Variants in RCOR1 observed in about 807,000 individuals in gnomAD.
RCOR1 encodes the protein REST corepressor 1.
A neutral mutation model predicts 64.0 loss-of-function variants in RCOR1; 12 were observed. The observed-to-expected ratio is 0.19, with a 90% CI of 0.12 to 0.30. The LOEUF (loss-of-function observed/expected upper bound fraction) is 0.30. Ranked by LOEUF, RCOR1 falls within the 10% of genes least tolerant of loss-of-function variation. RCOR1 has a pLI of 1.00. For synonymous variants in RCOR1, 279 were observed against 227.2 expected, an observed-to-expected ratio of 1.23 and a Z score of -2.05; for missense variants, 502 against 621.2, an observed-to-expected ratio of 0.81 and a Z score of 2.04.
At chr14:102,705,539 G>T (rs914098149) in intron 4 of RCOR1, among the ~76,000 whole-genome samples, 1 of 152,098 alleles carries the variant, frequency 6.6e-6, no homozygotes, top group Admixed American at 6.5e-5. Context: ...CAAACCCCTG[G>T]GCTCAGTCAA....
chr14:102,605,098 A>G (rs186378244), intron 2 of RCOR1, among the ~76,000 whole-genome samples: 29 of 151,926 alleles, frequency 1.9e-4, no homozygotes, highest in African/African-American at 6.7e-4. Context: ...AAGGAAAAGA[A>G]AAAACACTTA....
chr14:102,692,181 G>T (rs1312323432), intron 3 of RCOR1, among the ~76,000 whole-genome samples: 1 of 152,204 alleles, frequency 6.6e-6, no homozygotes, highest in East Asian at 1.9e-4. Context: ...TTAAAAAGAG[G>T]TGTATATTGA....
chr14:102,718,981 G>A (rs1311026785), intron 8 of RCOR1, among the ~76,000 whole-genome samples: 2 of 152,086 alleles, frequency 1.3e-5, no homozygotes, highest in African/African-American at 4.8e-5. Context: ...GGTAGAGACA[G>A]GGTCTTGCTG....
intron 4 of RCOR1, among the ~76,000 whole-genome samples, chr14:102,704,258 T>G (rs1895806010): frequency 6.6e-6 from 1 of 152,196 alleles, no homozygotes; most frequent in Admixed American, 6.5e-5. Context: ...CTCATTCCAG[T>G]GGAAGATGAC....
intron 2 of RCOR1, chr14:102,656,987 A>G (rs928371817): frequency 3.4e-5 from 17 of 502,326 alleles, no homozygotes; most frequent in African/African-American, 3.0e-4. Context: ...GTTGGCCAGG[A>G]TGGTCGCGAA....
chr14:102,715,043 ACTC>A (rs1414149082), intron 8 of RCOR1, among the ~76,000 whole-genome samples: 1 of 145,110 alleles, frequency 6.9e-6, no homozygotes, highest in South Asian at 2.2e-4. Flanking sequence ...TTATTACCTG[ACTC>A]CTCCTTGTAG....
intron 4 of RCOR1, 139 bp from the exon 5 acceptor site, chr14:102,707,212 G>T: frequency 1.7e-6 from 1 of 602,862 alleles, no homozygotes; most frequent in Non-Finnish European, 2.8e-6. Flanking sequence ...AGGGGCCTCT[G>T]ACAGTGTCTG....
rs1595251009 is a variant in RCOR1, at chr14:102,730,189, C to T, written c.*3683C>T. The stretch of plus-strand genomic sequence containing the variant: ...ATAGTATTCCATTAGGTAGACTTAT[C>T]GACTTTGCTAAGTGCTTTTTAGACA... On this transcript the variant is annotated 3_prime_UTR_variant, in exon 12 of 12. Coordinates refer to ENST00000262241, the MANE Select transcript of RCOR1 (RefSeq NM_015156.4). The T allele has an allele frequency of 1.5e-5, 6 of 396,470 alleles. No individual in the cohort carries two copies. The highest frequency in any genetic ancestry group is 1.4e-4 in the South Asian group (1 of 7,004). 24.6% of individuals were successfully genotyped at this position (396,470 alleles called of 1,614,324 possible). A position where few individuals can be genotyped will look rare whatever the true frequency, so the allele number is the denominator to read the frequency against.
At position 102,615,768 on chromosome 14, in the gene RCOR1, A is replaced by G. The variant is rs369584176; in HGVS notation, c.361+22443A>G. On this transcript the variant is annotated intron_variant, in intron 2 of 11. Transcript: ENST00000262241. ...CTGGCCATTAATTCTTTTTTAAGAA[A>G]GAGTTTCATTGCTATTAAACAAGTT... 2.6e-5 allele frequency among the ~76,000 whole-genome samples: 4 copies of G among 152,284 alleles called. No homozygotes were observed. The East Asian group carries it at 7.7e-4, about 29-fold the overall frequency.
intron 2 of RCOR1, among the ~76,000 whole-genome samples, chr14:102,647,015 A>G (rs1297617475): frequency 2.0e-5 from 3 of 152,254 alleles, no homozygotes; most frequent in Admixed American, 6.5e-5. Flanking sequence ...TAGATGTTCT[A>G]GAGAGAGAAA....
intron 2 of RCOR1, among the ~76,000 whole-genome samples, chr14:102,630,425 A>G (rs923687257): frequency 2.0e-5 from 3 of 152,198 alleles, no homozygotes; most frequent in Admixed American, 1.3e-4. Context: ...TTATAGGAAC[A>G]CTAAAGGGAC....
At chr14:102,691,751 T>G (rs1047319595) in intron 3 of RCOR1, among the ~76,000 whole-genome samples, 47 of 152,228 alleles carry the variant, frequency 3.1e-4, no homozygotes, top group African/African-American at 1.1e-3. Flanking sequence ...GTAATTTACC[T>G]TGTAATCATA....
chr14:102,625,231 C>CTTTTTTTT (rs61403856), intron 2 of RCOR1, among the ~76,000 whole-genome samples: 22 of 79,186 alleles, frequency 2.8e-4, no homozygotes, highest in East Asian at 3.8e-4. Flanking sequence ...TATCTTGTTA[C>CTTTTTTTT]TTTTTTTTTT....
At chr14:102,653,775 G>C (rs1435602498) in intron 2 of RCOR1, among the ~76,000 whole-genome samples, 1 of 151,636 alleles carries the variant, frequency 6.6e-6, no homozygotes, top group Non-Finnish European at 1.5e-5. Context: ...CTTTCCCTTT[G>C]CCTTCCACCA....
At position 102,727,957 on chromosome 14, in the gene RCOR1, A is replaced by G. The variant is rs750527845; in HGVS notation, c.*1451A>G. On this transcript the variant is annotated 3_prime_UTR_variant, in exon 12 of 12. Transcript: ENST00000262241. ...TTTTGTTGTTGTTGTTGTTGTTTGC[A>G]TCATTTGGATTTTTTTCCTGCTTTC... The G allele has an allele frequency of 1.1e-4, 17 of 152,568 alleles. No individual in the cohort carries two copies. The highest frequency in any genetic ancestry group is 1.9e-4 in the Non-Finnish European group (13 of 68,042). 9.5% of individuals were successfully genotyped at this position (152,568 alleles called of 1,614,324 possible).
intron 2 of RCOR1, among the ~76,000 whole-genome samples, chr14:102,622,874 C>G (rs1343438068): frequency 6.6e-6 from 1 of 152,164 alleles, no homozygotes; most frequent in Non-Finnish European, 1.5e-5. Flanking sequence ...CTGATTTTTG[C>G]TGCTTAATCC....
chr14:102,686,882 G>A (rs1895432944), intron 3 of RCOR1, among the ~76,000 whole-genome samples: 1 of 152,068 alleles, frequency 6.6e-6, no homozygotes, highest in African/African-American at 2.4e-5. Flanking sequence ...GTCTTCTGTC[G>A]TCTTCTCCTT....
At chr14:102,653,915 ATTTCCTTCTTTCTTTC>A (rs1894646251) in intron 2 of RCOR1, among the ~76,000 whole-genome samples, 1 of 127,256 alleles carries the variant, frequency 7.9e-6, no homozygotes, top group Non-Finnish European at 1.7e-5. Context: ...CATCTCAGGT[ATTTCCTTCTTTCTTTC>A]TTTCTTTCTT....
chr14:102,648,505 T>C (rs926097735), intron 2 of RCOR1, among the ~76,000 whole-genome samples: 6 of 152,220 alleles, frequency 3.9e-5, no homozygotes, highest in Non-Finnish European at 5.9e-5. Context: ...AAGTGGAGAA[T>C]AGTATTATAG....
Sources: allele counts gnomAD v4.1 joint callset (sites outside exome capture counted in the v4.1 genomes callset), GRCh38; gene constraint gnomAD v4.1.1; transcripts MANE v1.5; gene names NCBI Gene and HGNC (gene_info 2026-07-23, HGNC 2026-07-21).